Variants in CSMD1 observed in about 807,000 individuals in gnomAD.
CSMD1 encodes CUB and Sushi multiple domains 1.
A neutral mutation model predicts 417.5 loss-of-function variants in CSMD1; 213 were observed. The observed-to-expected ratio is 0.51, with a 90% CI of 0.46 to 0.57. CSMD1 has a LOEUF of 0.57. Among genes scored for constraint, CSMD1 ranks in the 20% least tolerant of loss-of-function variants. The probability of loss-of-function intolerance (pLI) is 0.00; values close to 1 mark genes in which losing one functional copy is unlikely to be tolerated. For synonymous variants in CSMD1, 2,862 were observed against 1,736.8 expected, an observed-to-expected ratio of 1.65 and a Z score of -16.11; for missense variants, 6,923 against 4,529.7, an observed-to-expected ratio of 1.53 and a Z score of -15.17.
chr8:2,993,868 C>T (rs1402531026), intron 54 of CSMD1, among the ~76,000 whole-genome samples: 2 of 151,274 alleles, frequency 1.3e-5, no homozygotes, highest in Non-Finnish European at 2.9e-5. Flanking sequence ...AACGGTTGTT[C>T]TGAAAGTAAG....
chr8:4,527,274 T>A (rs948202154), intron 2 of CSMD1, among the ~76,000 whole-genome samples: 1 of 152,218 alleles, frequency 6.6e-6, no homozygotes, highest in African/African-American at 2.4e-5. Context: ...TTGTAGCATT[T>A]ATATGATCAG....
intron 1 of CSMD1, among the ~76,000 whole-genome samples, chr8:4,928,719 C>T (rs1807042750): frequency 6.6e-6 from 1 of 152,066 alleles, no homozygotes; most frequent in Admixed American, 6.6e-5. Flanking sequence ...AAATAATAAT[C>T]CCCAGTGCCT....
chr8:4,569,769 T>C (rs1438723185), intron 2 of CSMD1, among the ~76,000 whole-genome samples: 2 of 152,228 alleles, frequency 1.3e-5, no homozygotes. Context: ...TTTCTATCCA[T>C]GAGCATGGAA....
chr8:4,931,568 T>A (rs1807252293), intron 1 of CSMD1, among the ~76,000 whole-genome samples: 1 of 132,740 alleles, frequency 7.5e-6, no homozygotes, highest in South Asian at 2.4e-4. Context: ...TATAGCTGAT[T>A]TCAAGAAAAA....
chr8:4,439,362 T>C (rs1489384108), intron 2 of CSMD1, among the ~76,000 whole-genome samples: 1 of 152,168 alleles, frequency 6.6e-6, no homozygotes, highest in African/African-American at 2.4e-5. Flanking sequence ...TTGTGAGATA[T>C]TACTATACAA....
intron 5 of CSMD1, among the ~76,000 whole-genome samples, chr8:3,814,111 A>T (rs1213350743): frequency 6.6e-6 from 1 of 152,180 alleles, no homozygotes; most frequent in Non-Finnish European, 1.5e-5. Context: ...ATCAGAACCC[A>T]TGTTCTTTGC....
chr8:4,750,716 C>T (rs138778263), intron 1 of CSMD1, among the ~76,000 whole-genome samples: 96 of 150,380 alleles, frequency 6.4e-4, no homozygotes, highest in African/African-American at 2.4e-3. Flanking sequence ...CCAATAGAAA[C>T]TTGACTTTTG....
At chr8:4,424,355 C>G (rs894029134) in intron 2 of CSMD1, among the ~76,000 whole-genome samples, 2 of 151,706 alleles carry the variant, frequency 1.3e-5, no homozygotes, top group Non-Finnish European at 2.9e-5. Context: ...AAAAGGCAAA[C>G]AATCCAATTA....
At chr8:4,523,105 G>T (rs56973695) in intron 2 of CSMD1, among the ~76,000 whole-genome samples, 11,520 of 152,166 alleles carry the variant, frequency 0.076, 588 homozygotes, top group African/African-American at 0.14. Context: ...GGGTGGTAGT[G>T]GGCCAAAATA....
chr8:2,947,517 A>C (rs76620314), intron 68 of CSMD1, among the ~76,000 whole-genome samples: 1 of 152,220 alleles, frequency 6.6e-6, no homozygotes, highest in South Asian at 2.1e-4. Flanking sequence ...TGAGAATAAA[A>C]ATCCCTTGTT....
intron 12 of CSMD1, among the ~76,000 whole-genome samples, chr8:3,411,729 T>C (rs1812725685): frequency 7.3e-6 from 1 of 137,396 alleles, no homozygotes; most frequent in Non-Finnish European, 1.6e-5. Flanking sequence ...CACGTACATA[T>C]ATACACGTGT....
At chr8:4,391,993 A>C (rs1803879302) in intron 3 of CSMD1, among the ~76,000 whole-genome samples, 1 of 152,124 alleles carries the variant, frequency 6.6e-6, no homozygotes, top group Non-Finnish European at 1.5e-5. Context: ...AGTCAACACC[A>C]AGCATCAATC....
intron 10 of CSMD1, among the ~76,000 whole-genome samples, chr8:3,507,566 T>G (rs1257342048): frequency 1.3e-5 from 2 of 152,204 alleles, no homozygotes; most frequent in Non-Finnish European, 2.9e-5. Context: ...TCTAGATCCC[T>G]GAGGAATCGC....
At chr8:4,437,846 G>GC (rs1163569073) in intron 2 of CSMD1, among the ~76,000 whole-genome samples, 1 of 152,146 alleles carries the variant, frequency 6.6e-6, no homozygotes, top group African/African-American at 2.4e-5. Context: ...GTGCAGGTCT[G>GC]CCCCTAGTTC....
chr8:4,344,396 C>G (rs982364270), intron 3 of CSMD1, among the ~76,000 whole-genome samples: 2 of 152,006 alleles, frequency 1.3e-5, no homozygotes, highest in Non-Finnish European at 1.5e-5. Context: ...CAGAGAGTAC[C>G]TACTATCTTC....
At chr8:4,227,719 C>G (rs893934816) in intron 3 of CSMD1, among the ~76,000 whole-genome samples, 1 of 151,396 alleles carries the variant, frequency 6.6e-6, no homozygotes, top group Admixed American at 6.6e-5. Context: ...ACACCCTCCA[C>G]CCCACATTAA....
At chr8:4,848,725 G>C (rs1801292194) in intron 1 of CSMD1, among the ~76,000 whole-genome samples, 1 of 152,054 alleles carries the variant, frequency 6.6e-6, no homozygotes, top group Non-Finnish European at 1.5e-5. Flanking sequence ...TATTTTTATA[G>C]TAGGGACTGG....
At chr8:3,300,974 A>AAAG (rs1804351942) in intron 25 of CSMD1, among the ~76,000 whole-genome samples, 1 of 149,390 alleles carries the variant, frequency 6.7e-6, no homozygotes, top group African/African-American at 2.5e-5. Context: ...AAAAAAAAAA[A>AAAG]AAAAAAAGAG....
intron 1 of CSMD1, among the ~76,000 whole-genome samples, chr8:4,863,190 C>T (rs575457393): frequency 8.5e-5 from 13 of 152,204 alleles, no homozygotes; most frequent in Admixed American, 3.3e-4. Context: ...CATTTCTCTT[C>T]ACCTCAGTTT....
Sources: gnomAD v4.1 joint callset for allele counts (sites outside exome capture counted in the v4.1 genomes callset) on GRCh38, gnomAD v4.1.1 for gene constraint, MANE v1.5 for transcripts, NCBI Gene and HGNC (gene_info 2026-07-23, HGNC 2026-07-21) for gene names.